The following MAMLD1 variants were observed in gnomAD, a reference collection of about 807,000 sequenced individuals.
MAMLD1 encodes mastermind-like domain-containing protein 1.
A neutral mutation model predicts 45.0 loss-of-function variants in MAMLD1; 14 were observed. The observed-to-expected ratio is 0.31, with a 90% CI of 0.21 to 0.49. The LOEUF is 0.49. Ranked by LOEUF, MAMLD1 falls within the 20% of genes least tolerant of loss-of-function variation. The pLI is 0.99. For missense variants in MAMLD1, 543 were observed against 603.6 expected (o/e 0.90, Z 1.05); for synonymous variants, 254 against 247.8 (o/e 1.02, Z -0.24).
chrX:150,451,108 T>C (rs782595421), intron 2 of MAMLD1, among the ~76,000 whole-genome samples: 1 of 112,570 alleles, frequency 8.9e-6, no homozygotes, highest in Non-Finnish European at 1.9e-5. Context: ...GGTAAACCAG[T>C]GACCTGCAAA....
Position 150,394,386 on chromosome X carries a change from G to C in MAMLD1, c.-64+30856G>C, listed in dbSNP as rs1391787808. On this transcript the variant is annotated intron_variant, in intron 1 of 7. Transcript: ENST00000370401. Reference sequence around the variant, plus strand: ...TGAGGTCAGGTAGTGTCAGTCCTTTGACTTTGTTCTTCTCTGTCAATATTT... The same window carrying C: ...TGAGGTCAGGTAGTGTCAGTCCTTTCACTTTGTTCTTCTCTGTCAATATTT... Among the ~76,000 whole-genome samples, 4 of 109,516 alleles carry C rather than the reference G, an allele frequency of 3.7e-5. No homozygotes were observed. In the East Asian group the frequency reaches 1.1e-3, roughly 31 times the overall value.
intron 5 of MAMLD1, among the ~76,000 whole-genome samples, chrX:150,499,731 C>T (rs1262368278): frequency 9.0e-6 from 1 of 111,722 alleles, no homozygotes; most frequent in Admixed American, 9.5e-5. Context: ...TAGCTAGGAA[C>T]AATCTATCTC....
intron 1 of MAMLD1, among the ~76,000 whole-genome samples, chrX:150,363,743 C>T (rs2124431423): frequency 8.9e-6 from 1 of 112,513 alleles, no homozygotes; most frequent in East Asian, 2.8e-4. Context: ...GGGCGCAGCT[C>T]GAAACGCCGG....
intron 1 of MAMLD1, among the ~76,000 whole-genome samples, chrX:150,395,551 C>G (rs2033380631): frequency 9.0e-6 from 1 of 111,261 alleles, no homozygotes; most frequent in Non-Finnish European, 1.9e-5. Flanking sequence ...ACCAGTGAAC[C>G]CATCCAGGCC....
At chrX:150,482,957 G>A (rs189128428) in intron 5 of MAMLD1, among the ~76,000 whole-genome samples, 2 of 112,391 alleles carry the variant, frequency 1.8e-5, no homozygotes, top group Non-Finnish European at 3.8e-5. Context: ...ATATCTGCAA[G>A]TCTGGAAACA....
At chrX:150,416,860 A>T (rs1369480704) in intron 1 of MAMLD1, among the ~76,000 whole-genome samples, 1 of 112,104 alleles carries the variant, frequency 8.9e-6, no homozygotes, top group African/African-American at 3.2e-5. Context: ...ATGAGATGGG[A>T]TTTCACATGA....
chrX:150,371,543 G>A (rs2031987065), intron 1 of MAMLD1, among the ~76,000 whole-genome samples: 1 of 111,829 alleles, frequency 8.9e-6, no homozygotes, highest in South Asian at 3.8e-4. Flanking sequence ...GTGTTCACCT[G>A]TGAGAGGAAA....
At chrX:150,389,051 T>A (rs1557402112) in intron 1 of MAMLD1, among the ~76,000 whole-genome samples, 2 of 109,955 alleles carry the variant, frequency 1.8e-5, no homozygotes, top group Non-Finnish European at 3.8e-5. Flanking sequence ...TTCATTTCAA[T>A]GCATTTTTTT....
rs943561429 is a variant in MAMLD1 at position 150,503,402 on chromosome X, G to A, written c.2169G>A (p.Glu723=). 14 of 1,211,971 alleles carry A rather than the reference G, an allele frequency of 1.2e-5. No homozygotes were observed. The highest frequency in any genetic ancestry group is 1.6e-5 in the Non-Finnish European group (14 of 895,411). ...SFLPGSSFAH[E]LARVTSSYST... ...TGCCCGGCAGCTCCTTTGCTCATGA[G>A]CTGGCCCGAGTCACCTCCTCGTACA... The change falls in exon 6 of 8, where the codon GAG becomes GAA. Residue 723 remains glutamate, a synonymous_variant. Coordinates refer to ENST00000370401, the MANE Select transcript of MAMLD1 (RefSeq NM_005491.5).
intron 1 of MAMLD1, among the ~76,000 whole-genome samples, chrX:150,386,128 A>T (rs1557402031): frequency 9.1e-6 from 1 of 109,328 alleles, no homozygotes; most frequent in Non-Finnish European, 1.9e-5. Context: ...CCATATCCAC[A>T]ACCTCTTTCA....
chrX:150,373,576 C>G (rs1209425777), intron 1 of MAMLD1, among the ~76,000 whole-genome samples: 1 of 111,837 alleles, frequency 8.9e-6, no homozygotes, highest in Non-Finnish European at 1.9e-5. Flanking sequence ...GTCTGAAGCC[C>G]TATTCTGCAT....
chrX:150,398,329 GA>G (rs1569564612), intron 1 of MAMLD1, among the ~76,000 whole-genome samples: 153 of 83,632 alleles, frequency 1.8e-3, no homozygotes, highest in African/African-American at 2.5e-3. Context: ...AGAAGAAGAA[GA>G]AGAAGAAGAA....
intron 2 of MAMLD1, among the ~76,000 whole-genome samples, chrX:150,452,596 CT>C (rs34192611): frequency 1.8e-4 from 19 of 104,715 alleles, no homozygotes; most frequent in Admixed American, 4.1e-4. Flanking sequence ...TCTCTCCTCT[CT>C]TTTTTTTTTC....
rs1557408655 is a variant in MAMLD1 at position 150,503,444 on chromosome X, G to A, written c.2211G>A (p.Ala737=). 53 of 1,210,149 alleles carry A rather than the reference G, an allele frequency of 4.4e-5. No homozygotes were observed. Among genetic ancestry groups the A allele is most frequent in the Non-Finnish European group, 5.6e-5 (50 of 894,989 alleles). The change falls in exon 6 of 8, where the codon GCG becomes GCA. Residue 737 remains alanine, a synonymous_variant. Transcript: ENST00000370401. ...CCTCGTACAGCACCTCAGAGGCAGCGCCCTGGGGCAGCTGGGATCCGAAGG... is the reference window on the plus strand; with the variant it reads ...CCTCGTACAGCACCTCAGAGGCAGCACCCTGGGGCAGCTGGGATCCGAAGG... ...VTSSYSTSEA[A]PWGSWDPKAW... is the part of the protein sequence containing the mutation.
chrX:150,463,116 A>T (rs7059071), intron 3 of MAMLD1, among the ~76,000 whole-genome samples: 1,669 of 112,238 alleles, frequency 0.015, 23 homozygotes, highest in African/African-American at 0.05. Context: ...AAGCTTGTGA[A>T]CCTGGGTCCA....
intron 2 of MAMLD1, among the ~76,000 whole-genome samples, chrX:150,453,566 C>T (rs901133295): frequency 1.8e-5 from 2 of 112,032 alleles, no homozygotes; most frequent in Non-Finnish European, 3.8e-5. Context: ...GTTTCTTTTC[C>T]TTCCATTTCT....
rs187906447 is a variant in MAMLD1 at position 150,375,771 on chromosome X, T to A, written c.-64+12241T>A. On this transcript the variant is annotated intron_variant, in intron 1 of 7. Coordinates refer to ENST00000370401, the MANE Select transcript of MAMLD1 (RefSeq NM_005491.5). Reference sequence around the variant, plus strand: ...TCCCATTCCCATCCTTGGCAGAGCATCTCACCCTTAATTTCATTATTAATC... The same window carrying A: ...TCCCATTCCCATCCTTGGCAGAGCAACTCACCCTTAATTTCATTATTAATC... 9.7e-3 allele frequency among the ~76,000 whole-genome samples: 1,089 copies of A among 111,797 alleles called. 6 individuals are homozygous for A. The highest frequency in any genetic ancestry group is 0.015 in the Non-Finnish European group (817 of 53,153).
At chrX:150,468,539 A>G (rs1345917870) in intron 3 of MAMLD1, among the ~76,000 whole-genome samples, 7 of 110,720 alleles carry the variant, frequency 6.3e-5, no homozygotes, top group Non-Finnish European at 1.1e-4. Context: ...TCCTGCACAT[A>G]CTCCTTTGCC....
intron 1 of MAMLD1, among the ~76,000 whole-genome samples, chrX:150,398,992 G>A (rs2033640074): frequency 8.9e-6 from 1 of 112,256 alleles, no homozygotes; most frequent in African/African-American, 3.2e-5. Flanking sequence ...GCTAGGTACT[G>A]TGCTAAGCAC....
Sources: gnomAD v4.1 joint callset for allele counts (sites outside exome capture counted in the v4.1 genomes callset) on GRCh38, gnomAD v4.1.1 for gene constraint, MANE v1.5 for transcripts, NCBI Gene and HGNC (gene_info 2026-07-23, HGNC 2026-07-21) for gene names.